Variants in NCALD observed in about 807,000 individuals in gnomAD.
NCALD encodes the protein neurocalcin delta.
In NCALD, 10 loss-of-function variants were observed where a neutral mutation model predicts 18.6. The observed-to-expected ratio is 0.54, with a 90% CI of 0.33 to 0.91. The LOEUF (loss-of-function observed/expected upper bound fraction) is 0.91. NCALD is among the 40% of genes least tolerant of loss of function. NCALD has a pLI of 0.03. For synonymous variants in NCALD, 88 were observed against 87.4 expected, an observed-to-expected ratio of 1.01 and a Z score of -0.04; for missense variants, 184 against 247.6, an observed-to-expected ratio of 0.74 and a Z score of 1.72.
intron 1 of NCALD, among the ~76,000 whole-genome samples, chr8:101,725,169 C>G (rs1219828064): frequency 2.6e-5 from 4 of 152,172 alleles, no homozygotes; most frequent in Non-Finnish European, 5.9e-5. Flanking sequence ...CCCTGTTTTC[C>G]CACCCAAATG....
chr8:101,810,818 T>C (rs1464981695), intron 4 of NCALD, among the ~76,000 whole-genome samples: 2 of 152,184 alleles, frequency 1.3e-5, no homozygotes, highest in African/African-American at 2.4e-5. Flanking sequence ...TACACAGATT[T>C]ATATAAATCA....
At chr8:101,788,052 G>A (rs935306640) in intron 1 of NCALD, among the ~76,000 whole-genome samples, 2 of 152,176 alleles carry the variant, frequency 1.3e-5, no homozygotes, top group African/African-American at 4.8e-5. Flanking sequence ...TCTCAAGGAG[G>A]AAAATAAAAG....
At chr8:101,811,993 A>C (rs1048825042) in intron 4 of NCALD, among the ~76,000 whole-genome samples, 2 of 152,240 alleles carry the variant, frequency 1.3e-5, no homozygotes, top group African/African-American at 4.8e-5. Flanking sequence ...CAAATCTAGC[A>C]TTGCAGAAAA....
chr8:101,843,582 G>GTTTTTTTTGTTTT (rs1173372117), intron 4 of NCALD, among the ~76,000 whole-genome samples: 1 of 125,140 alleles, frequency 8.0e-6, no homozygotes, highest in African/African-American at 3.3e-5. Flanking sequence ...TTTAAAAATT[G>GTTTTTTTTGTTTT]TTTTTTTTTT....
chr8:101,775,639 G>A (rs1421618603), intron 1 of NCALD, among the ~76,000 whole-genome samples: 1 of 152,148 alleles, frequency 6.6e-6, no homozygotes, highest in Non-Finnish European at 1.5e-5. Flanking sequence ...AGCCCTGGGG[G>A]ATCAGTTTGG....
chr8:101,890,647 A>G (rs1168791830), intron 3 of NCALD, among the ~76,000 whole-genome samples: 1 of 152,172 alleles, frequency 6.6e-6, no homozygotes, highest in East Asian at 1.9e-4. Flanking sequence ...ACTCCTGAGA[A>G]GGCAACACTC....
At chr8:101,991,984 C>T (rs1219466394) in intron 2 of NCALD, among the ~76,000 whole-genome samples, 2 of 152,216 alleles carry the variant, frequency 1.3e-5, no homozygotes, top group Admixed American at 6.5e-5. Context: ...TTGGAGCAAA[C>T]CCCTGCTTCT....
intron 4 of NCALD, among the ~76,000 whole-genome samples, chr8:101,821,881 TAAAA>T (rs370878560): frequency 3.0e-4 from 35 of 116,472 alleles, no homozygotes; most frequent in Admixed American, 2.8e-4. Context: ...GGGTTCTAAG[TAAAA>T]AAAAAAAAAA....
At chr8:102,064,310 A>G (rs138232914) in intron 1 of NCALD, among the ~76,000 whole-genome samples, 21 of 152,274 alleles carry the variant, frequency 1.4e-4, no homozygotes, top group East Asian at 1.9e-4. Flanking sequence ...CCACTCCCCA[A>G]CACTGCCAGG....
At chr8:101,718,825 C>T (rs1816211534) in intron 2 of NCALD, among the ~76,000 whole-genome samples, 1 of 152,216 alleles carries the variant, frequency 6.6e-6, no homozygotes, top group African/African-American at 2.4e-5. Flanking sequence ...CCAGCATTAA[C>T]AGCAACACAG....
At chr8:101,804,348 A>C (rs1183689203) in intron 4 of NCALD, among the ~76,000 whole-genome samples, 1 of 129,644 alleles carries the variant, frequency 7.7e-6, no homozygotes, top group Non-Finnish European at 1.6e-5. Flanking sequence ...ATTATATATT[A>C]TATATAATTA....
intron 2 of NCALD, among the ~76,000 whole-genome samples, chr8:101,705,458 G>A (rs55638946): frequency 8.6e-5 from 13 of 151,904 alleles, no homozygotes; most frequent in African/African-American, 1.7e-4. Context: ...TTCCAAAAAC[G>A]GCCAGAACAG....
intron 1 of NCALD, among the ~76,000 whole-genome samples, chr8:102,121,124 A>G (rs1314177065): frequency 6.6e-6 from 1 of 152,222 alleles, no homozygotes; most frequent in Non-Finnish European, 1.5e-5. Flanking sequence ...TCTCAGCTTC[A>G]TTGCAACAGT....
At chr8:101,988,981 G>T (rs1260758538) in intron 2 of NCALD, among the ~76,000 whole-genome samples, 1 of 151,454 alleles carries the variant, frequency 6.6e-6, no homozygotes, top group Non-Finnish European at 1.5e-5. Flanking sequence ...GAGGCGTCTA[G>T]CAAGTGCAGC....
chr8:102,081,545 TAAAAAAAAAAA>T (rs770307937), intron 1 of NCALD, among the ~76,000 whole-genome samples: 2,790 of 68,742 alleles, frequency 0.041, 62 homozygotes, highest in Middle Eastern at 0.087. Context: ...CAAATAATGG[TAAAAAAAAAAA>T]AAAAAAAAAA....
At chr8:101,766,548 A>G (rs1289686534) in intron 1 of NCALD, among the ~76,000 whole-genome samples, 4 of 152,142 alleles carry the variant, frequency 2.6e-5, no homozygotes. Flanking sequence ...AAAAGGGACC[A>G]TAACTTTCAT....
intron 1 of NCALD, among the ~76,000 whole-genome samples, chr8:102,061,325 C>T (rs529576622): frequency 1.3e-5 from 2 of 152,302 alleles, no homozygotes; most frequent in South Asian, 4.1e-4. Context: ...TGACTGTGTC[C>T]ATAGGGTTAC....
chr8:101,902,144 C>T (rs776287841), intron 3 of NCALD, among the ~76,000 whole-genome samples: 10 of 152,028 alleles, frequency 6.6e-5, no homozygotes, highest in African/African-American at 2.2e-4. Flanking sequence ...CCCATAGATC[C>T]GTGCCCTCTT....
chr8:102,084,692 T>C (rs576718990), intron 1 of NCALD, among the ~76,000 whole-genome samples: 1 of 152,308 alleles, frequency 6.6e-6, no homozygotes, highest in East Asian at 1.9e-4. Context: ...GAAGGTCATA[T>C]ACCAGATAAA....
Sources: allele counts gnomAD v4.1 joint callset (sites outside exome capture counted in the v4.1 genomes callset), GRCh38; gene constraint gnomAD v4.1.1; transcripts MANE v1.5; gene names NCBI Gene and HGNC (gene_info 2026-07-23, HGNC 2026-07-21).